Variants in NLGN4X observed in about 807,000 individuals in gnomAD.
NLGN4X encodes neuroligin 4 X-linked.
Under a neutral mutation model 40.3 loss-of-function variants are expected in NLGN4X, and 3 were observed. The observed-to-expected ratio is 0.07, with a 90% CI of 0.03 to 0.19. The LOEUF (loss-of-function observed/expected upper bound fraction) is 0.19. Ranked by LOEUF, NLGN4X falls within the 10% of genes least tolerant of loss-of-function variation. The pLI is 1.00. For missense variants in NLGN4X, 382 were observed against 708.3 expected (o/e 0.54, Z 5.23); for synonymous variants, 270 against 306.8 (o/e 0.88, Z 1.25).
chrX:6,148,625 C>A (rs1425851076), intron 2 of NLGN4X, among the ~76,000 whole-genome samples: 1 of 110,734 alleles, frequency 9.0e-6, no homozygotes, highest in African/African-American at 3.3e-5. Flanking sequence ...AAGCAATTCT[C>A]CTGCCTCAGC....
intron 2 of NLGN4X, among the ~76,000 whole-genome samples, chrX:6,066,534 C>T (rs2037920968): frequency 9.0e-6 from 1 of 111,701 alleles, no homozygotes; most frequent in African/African-American, 3.3e-5. Context: ...ACCTGTAATC[C>T]CAGCCCTTTG....
chrX:5,892,221 T>C lies in NLGN4X; in HGVS notation c.*596A>G, dbSNP rs1159113085. The C allele has an allele frequency of 8.4e-6, 1 of 119,143 alleles. No individual in the cohort carries two copies. The highest frequency in any genetic ancestry group is 1.7e-5 in the Non-Finnish European group (1 of 58,257). 9.8% of individuals were successfully genotyped at this position (119,143 alleles called of 1,213,427 possible). On this transcript the variant is annotated 3_prime_UTR_variant, in exon 6 of 6. Coordinates refer to ENST00000381095, the MANE Select transcript of NLGN4X (RefSeq NM_181332.3). ...TCTTTTTTACAAAGTCTCTTAAATA[T>C]AGTTCAGGCTGGCAAAACACCTCTT...
intron 2 of NLGN4X, among the ~76,000 whole-genome samples, chrX:6,116,315 A>AAAAAAAC (rs2039288866): frequency 2.1e-5 from 2 of 94,305 alleles, no homozygotes; most frequent in Admixed American, 1.2e-4. Flanking sequence ...AAAAAAAAAA[A>AAAAAAAC]AACACTGTGA....
At chrX:6,125,992 G>A (rs1391320852) in intron 2 of NLGN4X, among the ~76,000 whole-genome samples, 3 of 68,739 alleles carry the variant, frequency 4.4e-5, no homozygotes, top group Non-Finnish European at 8.7e-5. Flanking sequence ...TTTTAAAAAT[G>A]TTTCTTTTAA....
At chrX:6,027,767 T>C (rs1400114234) in intron 3 of NLGN4X, among the ~76,000 whole-genome samples, 2 of 110,626 alleles carry the variant, frequency 1.8e-5, no homozygotes, top group African/African-American at 6.5e-5. Context: ...AGACCTCCTT[T>C]AGTCCATCTT....
chrX:5,907,855 A>G (rs894086983), intron 4 of NLGN4X, among the ~76,000 whole-genome samples: 2 of 107,601 alleles, frequency 1.9e-5, no homozygotes, highest in Admixed American at 1.0e-4. Context: ...GGTGAAAGTC[A>G]TATTTGCAGG....
At chrX:6,191,091 G>GT (rs112462147) in intron 1 of NLGN4X, among the ~76,000 whole-genome samples, 221 of 99,155 alleles carry the variant, frequency 2.2e-3, no homozygotes, top group South Asian at 5.8e-3. Context: ...GTTTCAAATT[G>GT]TTTTTTTTTT....
At chrX:6,145,440 A>G (rs1477285477) in intron 2 of NLGN4X, among the ~76,000 whole-genome samples, 2 of 112,122 alleles carry the variant, frequency 1.8e-5, no homozygotes, top group East Asian at 2.8e-4. Flanking sequence ...CATTCTGCCA[A>G]TCTGATTTCT....
chrX:6,058,193 T>C (rs1231296095), intron 2 of NLGN4X, among the ~76,000 whole-genome samples: 1 of 110,990 alleles, frequency 9.0e-6, no homozygotes. Flanking sequence ...CATACACACA[T>C]ATATATATAA....
intron 2 of NLGN4X, among the ~76,000 whole-genome samples, chrX:6,071,956 G>C (rs184272340): frequency 2.9e-3 from 327 of 110,997 alleles, no homozygotes; most frequent in African/African-American, 9.5e-3. Context: ...CAGCCTGTCA[G>C]AGTGTGCACT....
chrX:6,109,556 G>T (rs2039101296), intron 2 of NLGN4X, among the ~76,000 whole-genome samples: 1 of 111,679 alleles, frequency 9.0e-6, no homozygotes, highest in African/African-American at 3.3e-5. Context: ...TTAATGAATT[G>T]ATTCACTGAC....
At chrX:6,169,133 G>C (rs2040554620) in intron 1 of NLGN4X, among the ~76,000 whole-genome samples, 1 of 111,547 alleles carries the variant, frequency 9.0e-6, no homozygotes, top group South Asian at 3.8e-4. Context: ...AGACAGAAGG[G>C]AGCCAGTAAG....
chrX:6,176,825 T>A (rs1229243526), intron 1 of NLGN4X, among the ~76,000 whole-genome samples: 1 of 111,810 alleles, frequency 8.9e-6, no homozygotes, highest in African/African-American at 3.3e-5. Context: ...TCTAGAGCTG[T>A]AAGCAGCCAC....
chrX:6,066,938 T>C (rs1220144662), intron 2 of NLGN4X, among the ~76,000 whole-genome samples: 1 of 110,951 alleles, frequency 9.0e-6, no homozygotes, highest in African/African-American at 3.3e-5. Context: ...TGAGACCCTG[T>C]CTCTACAAAA....
intron 2 of NLGN4X, among the ~76,000 whole-genome samples, chrX:6,081,305 C>T (rs7055487): frequency 2.8e-3 from 308 of 111,383 alleles, no homozygotes; most frequent in African/African-American, 9.6e-3. Flanking sequence ...ATTGTAGAGA[C>T]GGGGTCTCAT....
At chrX:6,203,159 C>T (rs146483776) in intron 1 of NLGN4X, among the ~76,000 whole-genome samples, 9 of 112,592 alleles carry the variant, frequency 8.0e-5, no homozygotes, top group African/African-American at 2.6e-4. Context: ...TATGGCTTAC[C>T]ATCAAGTTGC....
intron 2 of NLGN4X, among the ~76,000 whole-genome samples, chrX:6,045,807 CATCA>C (rs200290748): frequency 0.49 from 53,306 of 109,681 alleles, 9,407 homozygotes; most frequent in Admixed American, 0.53. Flanking sequence ...CAATGATGTT[CATCA>C]TCACCATCAT....
chrX:6,215,219 A>G (rs1395564182), intron 1 of NLGN4X, among the ~76,000 whole-genome samples: 3 of 112,179 alleles, frequency 2.7e-5, no homozygotes, highest in African/African-American at 9.7e-5. Context: ...AATTGGGGGT[A>G]TTCCTTTTTC....
chrX:6,175,756 G>A, intron 1 of NLGN4X, among the ~76,000 whole-genome samples: 1 of 107,787 alleles, frequency 9.3e-6, no homozygotes, highest in Non-Finnish European at 1.9e-5. Context: ...CTCTTTACAA[G>A]TTAATCTCTG....
Sources: allele counts gnomAD v4.1 joint callset (sites outside exome capture counted in the v4.1 genomes callset), GRCh38; gene constraint gnomAD v4.1.1; transcripts MANE v1.5; gene names NCBI Gene and HGNC (gene_info 2026-07-23, HGNC 2026-07-21).